Variants in BTBD9 observed in about 807,000 individuals in gnomAD.
BTBD9 encodes BTB/POZ domain-containing protein 9.
BTBD9 carries 49 observed loss-of-function variants against 64.3 expected under a neutral mutation model. That is an observed-to-expected ratio of 0.76 (90% CI 0.61 to 0.97). The LOEUF (loss-of-function observed/expected upper bound fraction) is 0.97. Among genes scored for constraint, BTBD9 ranks in the 50% least tolerant of loss-of-function variants. The pLI is 0.00. For missense variants in BTBD9, 598 were observed against 762.1 expected, an observed-to-expected ratio of 0.78 and a Z score of 2.53; for synonymous variants, 260 against 274.7, an observed-to-expected ratio of 0.95 and a Z score of 0.53.
chr6:38,504,370 T>C, intron 6 of BTBD9: 1 of 328,474 alleles, frequency 3.0e-6, no homozygotes, highest in Admixed American at 3.8e-5. Context: ...TTACGGAGAC[T>C]ACAAACTTCC....
intron 7 of BTBD9, among the ~76,000 whole-genome samples, chr6:38,322,861 TAA>T (rs1193336806): frequency 6.6e-6 from 1 of 152,238 alleles, no homozygotes; most frequent in Non-Finnish European, 1.5e-5. Flanking sequence ...TTAACTACCA[TAA>T]TGTAGCCTGT....
intron 6 of BTBD9, among the ~76,000 whole-genome samples, chr6:38,535,709 C>A (rs1019085754): frequency 4.6e-5 from 7 of 152,000 alleles, no homozygotes; most frequent in African/African-American, 1.7e-4. Flanking sequence ...ATCCACACAC[C>A]TACAGTGAAC....
At chr6:38,564,734 AAAAC>A (rs1174809375) in intron 6 of BTBD9, among the ~76,000 whole-genome samples, 1 of 151,918 alleles carries the variant, frequency 6.6e-6, no homozygotes, top group Non-Finnish European at 1.5e-5. Context: ...TAAAAATACA[AAAAC>A]AAAATTAGCT....
At chr6:38,427,794 T>C (rs1768242192) in intron 6 of BTBD9, among the ~76,000 whole-genome samples, 1 of 152,022 alleles carries the variant, frequency 6.6e-6, no homozygotes, top group Non-Finnish European at 1.5e-5. Flanking sequence ...AACCATTCTC[T>C]ACTTGACTAA....
chr6:38,195,928 A>G (rs1242459241), intron 9 of BTBD9, among the ~76,000 whole-genome samples: 3 of 152,232 alleles, frequency 2.0e-5, no homozygotes, highest in African/African-American at 7.2e-5. Context: ...GCTTTTCTGT[A>G]CTGTTTGAAC....
At chr6:38,469,321 C>T (rs1193494026) in intron 6 of BTBD9, among the ~76,000 whole-genome samples, 8 of 127,122 alleles carry the variant, frequency 6.3e-5, no homozygotes, top group Non-Finnish European at 1.2e-4. Context: ...TTTTTTTTTT[C>T]CTTTTTTTTT....
At chr6:38,335,691 G>A (rs1009694473) in intron 7 of BTBD9, among the ~76,000 whole-genome samples, 2 of 151,824 alleles carry the variant, frequency 1.3e-5, no homozygotes, top group South Asian at 2.1e-4. Flanking sequence ...TCAGCCTCCC[G>A]AGTAGCTGAG....
At chr6:38,482,979 A>G (rs1044637128) in intron 6 of BTBD9, among the ~76,000 whole-genome samples, 6 of 152,088 alleles carry the variant, frequency 3.9e-5, no homozygotes, top group Non-Finnish European at 8.8e-5. Context: ...TCCTTGAGCT[A>G]GAGATCCAGC....
intron 8 of BTBD9, among the ~76,000 whole-genome samples, chr6:38,284,826 A>G (rs984315382): frequency 6.6e-6 from 1 of 152,212 alleles, no homozygotes; most frequent in African/African-American, 2.4e-5. Context: ...GGGGAATAAA[A>G]AAAGAGCCAG....
intron 6 of BTBD9, among the ~76,000 whole-genome samples, chr6:38,552,995 T>C (rs566638813): frequency 6.6e-6 from 1 of 152,288 alleles, no homozygotes; most frequent in African/African-American, 2.4e-5. Context: ...CAACCTTCTG[T>C]ACACATTTTT....
chr6:38,264,685 C>T (rs150199321), intron 8 of BTBD9, among the ~76,000 whole-genome samples: 1 of 152,206 alleles, frequency 6.6e-6, no homozygotes, highest in African/African-American at 2.4e-5. Flanking sequence ...GGTTCGATGA[C>T]GTGGCTTCAC....
At chr6:38,182,459 G>A (rs1015877267) in intron 10 of BTBD9, among the ~76,000 whole-genome samples, 1 of 152,220 alleles carries the variant, frequency 6.6e-6, no homozygotes, top group Non-Finnish European at 1.5e-5. Context: ...CTTGTTCGCA[G>A]GCTTCTGGGA....
At chr6:38,556,200 T>C (rs1240704124) in intron 6 of BTBD9, among the ~76,000 whole-genome samples, 2 of 152,132 alleles carry the variant, frequency 1.3e-5, no homozygotes, top group Non-Finnish European at 2.9e-5. Flanking sequence ...CCAAGGTACA[T>C]CCTAACATTC....
chr6:38,595,807 GA>G (rs943132627), intron 2 of BTBD9: 1 of 985,070 alleles, frequency 1.0e-6, no homozygotes, highest in Non-Finnish European at 1.2e-6. Context: ...AAGTACCCCT[GA>G]AGGTTTCCAT....
chr6:38,183,229 G>A (rs1032635573), intron 10 of BTBD9, among the ~76,000 whole-genome samples: 4 of 152,228 alleles, frequency 2.6e-5, no homozygotes, highest in South Asian at 4.1e-4. Context: ...TGCCCGCCTC[G>A]GCCTCCCAAA....
intron 6 of BTBD9, among the ~76,000 whole-genome samples, chr6:38,534,748 T>C (rs1773947821): frequency 6.6e-6 from 1 of 152,100 alleles, no homozygotes; most frequent in Non-Finnish European, 1.5e-5. Flanking sequence ...ATACATCATA[T>C]CAACAGAATG....
At chr6:38,465,707 T>TATATA (rs1491184653) in intron 6 of BTBD9, among the ~76,000 whole-genome samples, 4 of 46,860 alleles carry the variant, frequency 8.5e-5, no homozygotes, top group African/African-American at 3.8e-4. Flanking sequence ...AATAAATAAA[T>TATATA]TATATATATA....
chr6:38,452,438 T>C (rs1006929789), intron 6 of BTBD9, among the ~76,000 whole-genome samples: 1 of 152,086 alleles, frequency 6.6e-6, no homozygotes, highest in Non-Finnish European at 1.5e-5. Flanking sequence ...CGTGTTTTAG[T>C]AAGATAAATC....
At chr6:38,183,349 G>C (rs1376916120) in intron 10 of BTBD9, among the ~76,000 whole-genome samples, 1 of 152,218 alleles carries the variant, frequency 6.6e-6, no homozygotes, top group Non-Finnish European at 1.5e-5. Flanking sequence ...CACTGGGAAG[G>C]AAGCTTTAAG....
Sources: gnomAD v4.1 joint callset for allele counts (sites outside exome capture counted in the v4.1 genomes callset) on GRCh38, gnomAD v4.1.1 for gene constraint, MANE v1.5 for transcripts, NCBI Gene and HGNC (gene_info 2026-07-23, HGNC 2026-07-21) for gene names.